Variants in JOSD2 observed in about 807,000 individuals in gnomAD.
JOSD2 encodes Josephin domain containing 2, also known as josephin-2.
JOSD2 carries 20 observed loss-of-function variants against 19.3 expected under a neutral mutation model. The observed-to-expected ratio is 1.04, with a 90% CI of 0.73 to 1.51. The LOEUF (loss-of-function observed/expected upper bound fraction) is 1.51, where lower values mean the gene tolerates loss of function less well. Ranked by LOEUF, JOSD2 falls within the 40% of genes most tolerant of loss-of-function variation. The pLI is 0.00. For synonymous variants in JOSD2, 118 were observed against 123.7 expected, an observed-to-expected ratio of 0.95 and a Z score of 0.31; for missense variants, 215 against 250.4, an observed-to-expected ratio of 0.86 and a Z score of 0.95.
At chr19:50,508,426 C>G (rs1979516082) in intron 2 of JOSD2, among the ~76,000 whole-genome samples, 1 of 152,194 alleles carries the variant, frequency 6.6e-6, no homozygotes, top group South Asian at 2.1e-4. Context: ...CTCATTTCCC[C>G]CAGGACAGAG....
intron 1 of JOSD2, 187 bp downstream of exon 1, chr19:50,510,930 T>C (rs376509052): frequency 1.4e-5 from 5 of 355,162 alleles, no homozygotes; most frequent in Admixed American, 3.3e-5. Context: ...TCCCCGGTCA[T>C]GTAGCAGCGA....
chr19:50,506,705 C>T (rs1019483406), intron 3 of JOSD2, 133 bp from the exon 4 acceptor site: 20 of 778,746 alleles, frequency 2.6e-5, no homozygotes, highest in Middle Eastern at 3.7e-4. Context: ...CCTTAATCAG[C>T]CACCCTGGTT....
At chr19:50,510,853 G>C (rs1664303612) in intron 1 of JOSD2, among the ~76,000 whole-genome samples, 1 of 151,830 alleles carries the variant, frequency 6.6e-6, no homozygotes, top group Middle Eastern at 3.2e-3. Flanking sequence ...TAGCAATAGA[G>C]AATCCTCCTC....
chr19:50,509,066 G>A (rs1337055229), intron 2 of JOSD2, among the ~76,000 whole-genome samples: 1 of 151,346 alleles, frequency 6.6e-6, no homozygotes, highest in Non-Finnish European at 1.5e-5. Flanking sequence ...AGGGACATGG[G>A]GACAGAGAGG....
intron 2 of JOSD2, among the ~76,000 whole-genome samples, chr19:50,508,597 C>A (rs1979529356): frequency 1.3e-5 from 2 of 151,328 alleles, no homozygotes; most frequent in African/African-American, 4.9e-5. Flanking sequence ...TAGGAAGGCT[C>A]TTCCGCCTGT....
intron 2 of JOSD2, 106 bp downstream of exon 2, chr19:50,510,180 A>C (rs1979686684): frequency 7.3e-7 from 1 of 1,369,586 alleles, no homozygotes; most frequent in African/African-American, 1.4e-5. Flanking sequence ...GTGAGCGCGG[A>C]GCAGAAGAAA....
At position 50,507,557 on chromosome 19, in the gene JOSD2, G is replaced by T; in HGVS notation, c.272+17C>A. On this transcript the variant is annotated intron_variant, in intron 3 of 4. Coordinates refer to ENST00000598418, the MANE Select transcript of JOSD2 (RefSeq NM_001270639.2). ...CTGTGCCCGGCCCAGCACATGCTGT[G>T]CTGCTCTGGGGCCTACCTCCTCCTG... 1 of 1,597,966 alleles carries T rather than the reference G, an allele frequency of 6.3e-7. No individual in the cohort carries two copies.
At chr19:50,510,164 AG>A in intron 2 of JOSD2, 121 bp downstream of exon 2, 1 of 1,185,322 alleles carries the variant, frequency 8.4e-7, no homozygotes, top group Non-Finnish European at 1.2e-6. Context: ...CGTCTAGCTT[AG>A]GCAAGTGAGC....
At chr19:50,506,699 A>T (rs1441953486) in intron 3 of JOSD2, 127 bp from the exon 4 acceptor site, 3 of 808,166 alleles carry the variant, frequency 3.7e-6, no homozygotes, top group Admixed American at 3.1e-5. Flanking sequence ...GGTGTTCCTT[A>T]ATCAGCCACC....
intron 1 of JOSD2, among the ~76,000 whole-genome samples, 192 bp from the exon 2 acceptor site, chr19:50,510,640 A>G (rs1416273256): frequency 1.3e-5 from 2 of 151,742 alleles, no homozygotes; most frequent in African/African-American, 4.8e-5. Flanking sequence ...TCCTATTCCT[A>G]CGAAAAACGC....
chr19:50,506,352 C>CT, intron 4 of JOSD2, 26 bp downstream of exon 4: 3 of 1,604,102 alleles, frequency 1.9e-6, no homozygotes, highest in Non-Finnish European at 2.6e-6. Context: ...GGCCCCTGGT[C>CT]TTGGAATCGC....
intron 1 of JOSD2, 121 bp from the exon 2 acceptor site, chr19:50,510,569 C>G (rs1979734831): frequency 1.1e-6 from 1 of 895,292 alleles, no homozygotes; most frequent in Non-Finnish European, 1.7e-6. Context: ...CAGGAAGACA[C>G]TGGGCCCCTG....
At chr19:50,509,123 T>TTTG (rs1979571554) in intron 2 of JOSD2, among the ~76,000 whole-genome samples, 1 of 148,442 alleles carries the variant, frequency 6.7e-6, no homozygotes, top group Admixed American at 6.7e-5. Context: ...TTTTTTTTTT[T>TTTG]GAGACAGTCT....
rs753496687 is a variant in JOSD2, at chr19:50,510,270, G to A, written c.146+16C>T. On this transcript the variant is annotated intron_variant, in intron 2 of 4. Transcript: ENST00000598418. ...AGAGCTCTGCTGCTCCAGGGGCTGG[G>A]GTGGGTGACGGTCACCTCTTGCAGA... The A allele has an allele frequency of 1.9e-6, 3 of 1,613,172 alleles. No individual in the cohort carries two copies. The highest frequency in any genetic ancestry group is 2.2e-5 in the South Asian group (2 of 91,078).
At chr19:50,511,034 TC>T in intron 1 of JOSD2, 82 bp downstream of exon 1, 1 of 444,460 alleles carries the variant, frequency 2.2e-6, no homozygotes, top group Admixed American at 2.4e-5. Context: ...CCAGGCCCCC[TC>T]CCCGGACACC....
In JOSD2 at chr19:50,506,393, TC is replaced by T. The variant is rs1184879942; in HGVS notation, c.451del (p.Asp151MetfsTer23). 1 of 1,605,602 alleles carries T rather than the reference TC, an allele frequency of 6.2e-7. No individual in the cohort carries two copies. ...SKLRAPEALG[D>X]EDGVRAFLAA... is the part of the protein sequence containing the mutation. ...TGGGGCTCACCTGACTCCGTCCTCA[TC>T]CCCCAGGGCCTCGGGCGCCCGCAGC... On this transcript the variant is annotated frameshift_variant, in exon 4 of 5. Coordinates refer to ENST00000598418, the MANE Select transcript of JOSD2 (RefSeq NM_001270639.2). LOFTEE classifies it high-confidence loss of function.
chr19:50,507,179 CCTCA>C (rs1446398059), intron 3 of JOSD2, among the ~76,000 whole-genome samples: 1 of 146,040 alleles, frequency 6.8e-6, no homozygotes, highest in Non-Finnish European at 1.5e-5. Flanking sequence ...TGCCCCCAAT[CCTCA>C]CTCACTCTTG....
rs774734512 is a variant in JOSD2, at chr19:50,506,477, C to A, written c.368G>T (p.Arg123Leu). ...SLGLLSLPLR[R>L]RHWVALRQVD... ...CTGGCGCAGGGCCACCCAGTGCCGCCGGCGCAGCGGCAGTGACAGCAGCCC... is the reference window on the plus strand; with the variant it reads ...CTGGCGCAGGGCCACCCAGTGCCGCAGGCGCAGCGGCAGTGACAGCAGCCC... Residue 123 changes from arginine to leucine, a missense_variant, in exon 4 of 5, where the codon CGG becomes CTG. Physicochemically the swap from Arg to Leu is moderately radical, Grantham distance 102. Transcript: ENST00000598418. The A allele has an allele frequency of 4.8e-5, 75 of 1,572,726 alleles. No individual in the cohort carries two copies. The highest frequency in any genetic ancestry group is 1.7e-4 in the Middle Eastern group (1 of 5,972).
At position 50,510,405 on chromosome 19, in the gene JOSD2, C is replaced by G. The variant is rs1343529829; in HGVS notation, c.27G>C (p.Pro9=). MSQAPGAQ[P]SPPTVYHERQ... ...GTTCGTGGTACACGGTGGGTGGGCT[C>G]GGCTGTGCTCCCGGGGCCTGGGACA... Residue 9 remains proline (P), a synonymous_variant, in exon 2 of 5, where the codon CCG becomes CCC. Transcript: ENST00000598418. The G allele has an allele frequency of 6.2e-7, 1 of 1,611,634 alleles. No individual in the cohort carries two copies. The highest frequency in any genetic ancestry group is 1.1e-5 in the South Asian group (1 of 91,054).
Sources: allele counts gnomAD v4.1 joint callset (sites outside exome capture counted in the v4.1 genomes callset), GRCh38; gene constraint gnomAD v4.1.1; transcripts MANE v1.5; gene names NCBI Gene and HGNC (gene_info 2026-07-23, HGNC 2026-07-21).